KHDRBS2: variants seen among roughly 807,000 people sequenced by gnomAD.
The protein encoded by KHDRBS2 is KH RNA binding domain containing, signal transduction associated 2.
In KHDRBS2, 26 loss-of-function variants were observed where a neutral mutation model predicts 44.3. The ratio of observed to expected loss-of-function variants is 0.59; its 90% CI spans 0.43 to 0.81. KHDRBS2 has a LOEUF of 0.81. Ranked by LOEUF, KHDRBS2 falls within the 40% of genes least tolerant of loss-of-function variation. The probability of loss-of-function intolerance (pLI) is 0.00; values close to 1 mark genes in which losing one functional copy is unlikely to be tolerated. For synonymous variants in KHDRBS2, 194 were observed against 151.1 expected (o/e 1.28, Z -2.08); for missense variants, 476 against 433.1 (o/e 1.10, Z -0.88).
chr6:61,991,087 A>G (rs1227943338), intron 3 of KHDRBS2, among the ~76,000 whole-genome samples: 1 of 152,188 alleles, frequency 6.6e-6, no homozygotes, highest in Non-Finnish European at 1.5e-5. Context: ...TAATAAGGTG[A>G]TGTGTCATCA....
intron 7 of KHDRBS2, among the ~76,000 whole-genome samples, chr6:61,718,071 C>A (rs1007824209): frequency 6.6e-6 from 1 of 151,944 alleles, no homozygotes; most frequent in Non-Finnish European, 1.5e-5. Context: ...GAAAAAAATA[C>A]CTGCTTCATA....
chr6:61,981,392 G>A (rs767855019), intron 3 of KHDRBS2, among the ~76,000 whole-genome samples: 24 of 151,272 alleles, frequency 1.6e-4, no homozygotes, highest in East Asian at 1.9e-4. Context: ...AATTTCCTAC[G>A]CTTTATGTTA....
At chr6:62,005,902 A>G (rs1172046241) in intron 3 of KHDRBS2, among the ~76,000 whole-genome samples, 4 of 152,046 alleles carry the variant, frequency 2.6e-5, no homozygotes, top group Non-Finnish European at 2.9e-5. Context: ...ACACAGTTTA[A>G]GCGATTACTA....
chr6:62,065,737 A>C lies in KHDRBS2; in HGVS notation c.220-17743T>G, dbSNP rs572122948. Among the ~76,000 whole-genome samples the C allele has an allele frequency of 1.9e-3, 292 of 151,238 alleles. 2 individuals carry two copies. The highest frequency in any genetic ancestry group is 6.7e-3 in the African/African-American group (275 of 41,184). The stretch of plus-strand genomic sequence containing the variant: ...AGCATGGCACATGTATACATATGTA[A>C]CTAACCTGCACAATGTGCACATGTA... On this transcript the variant is annotated intron_variant, in intron 2 of 8. Transcript: ENST00000281156.
chr6:61,950,644 A>G (rs1764552282), intron 4 of KHDRBS2, among the ~76,000 whole-genome samples: 1 of 151,970 alleles, frequency 6.6e-6, no homozygotes, highest in African/African-American at 2.4e-5. Flanking sequence ...GAGTTGGATT[A>G]TTTGTCTTTA....
the KHDRBS2 span, among the ~76,000 whole-genome samples, chr6:61,568,901 A>T: frequency 6.6e-6 from 1 of 152,220 alleles, no homozygotes. Flanking sequence ...TTGACTGAGC[A>T]TGAATTTTCT....
intron 3 of KHDRBS2, among the ~76,000 whole-genome samples, chr6:62,036,153 C>G (rs1219979247): frequency 6.6e-6 from 1 of 151,734 alleles, no homozygotes; most frequent in Non-Finnish European, 1.5e-5. Context: ...AGAGAGCTGT[C>G]AAATCAAAGT....
rs377424414 is a variant in KHDRBS2 at position 61,752,846 on chromosome 6, G to T, written c.811-20082C>A. On this transcript the variant is annotated intron_variant, in intron 6 of 8. Coordinates refer to ENST00000281156, the MANE Select transcript of KHDRBS2 (RefSeq NM_152688.4). ...TGAAGCGAATTATTTGAGGTGAGGGGTCGGTATGTAAGTTGTAATTAATGT... is the reference window on the plus strand; with the variant it reads ...TGAAGCGAATTATTTGAGGTGAGGGTTCGGTATGTAAGTTGTAATTAATGT... 3.3e-5 allele frequency among the ~76,000 whole-genome samples: 5 copies of T among 152,076 alleles called. No individual in the cohort carries two copies. The East Asian group carries it at 7.8e-4, about 24-fold the overall frequency.
At position 62,034,126 on chromosome 6, in the gene KHDRBS2, C is replaced by T. The variant is rs571029410; in HGVS notation, c.336+13752G>A. On this transcript the variant is annotated intron_variant, in intron 3 of 8. Coordinates refer to ENST00000281156, the MANE Select transcript of KHDRBS2 (RefSeq NM_152688.4). ...CCAACAATGAACCAGGAAGAAATCC[C>T]AAACCTAAAAAGACCAACAACAAGT... is the stretch of plus-strand genomic sequence containing the variant. Among the ~76,000 whole-genome samples, 4 of 151,642 alleles carry T rather than the reference C, an allele frequency of 2.6e-5. No individual in the cohort carries two copies. In the South Asian group the frequency reaches 8.3e-4, roughly 32 times the overall value.
chr6:61,800,100 G>C (rs965313562), intron 6 of KHDRBS2, among the ~76,000 whole-genome samples: 1 of 152,016 alleles, frequency 6.6e-6, no homozygotes, highest in Non-Finnish European at 1.5e-5. Flanking sequence ...ATTCTGAATT[G>C]TAATACCACC....
chr6:61,935,630 A>G (rs1156655341), intron 4 of KHDRBS2, among the ~76,000 whole-genome samples: 1 of 152,178 alleles, frequency 6.6e-6, no homozygotes, highest in East Asian at 1.9e-4. Context: ...CCCCTGAGTG[A>G]CATTGCTTTG....
intron 3 of KHDRBS2, among the ~76,000 whole-genome samples, chr6:62,047,365 T>C (rs1017071057): frequency 6.6e-6 from 1 of 151,724 alleles, no homozygotes. Flanking sequence ...CTTTTGGGGG[T>C]CAGGTGAGTT....
chr6:61,568,385 G>C, the KHDRBS2 span, among the ~76,000 whole-genome samples: 1 of 152,120 alleles, frequency 6.6e-6, no homozygotes, highest in Non-Finnish European at 1.5e-5. Context: ...AATGACACTG[G>C]TGAGAGGGTG....
intron 3 of KHDRBS2, among the ~76,000 whole-genome samples, chr6:62,040,007 C>T (rs372978577): frequency 5.3e-5 from 8 of 152,130 alleles, no homozygotes; most frequent in East Asian, 3.9e-4. Context: ...TAACCTAATG[C>T]TTTTTAAACT....
At chr6:61,644,814 C>A in the KHDRBS2 span, among the ~76,000 whole-genome samples, 3 of 152,050 alleles carry the variant, frequency 2.0e-5, no homozygotes, top group Non-Finnish European at 4.4e-5. Context: ...ATAACAGGTG[C>A]TGGCAAGGTT....
At chr6:61,639,101 A>T in the KHDRBS2 span, among the ~76,000 whole-genome samples, 1 of 152,120 alleles carries the variant, frequency 6.6e-6, no homozygotes, top group Non-Finnish European at 1.5e-5. Flanking sequence ...ATACATAAAC[A>T]GTTTTTTAAG....
intron 4 of KHDRBS2, among the ~76,000 whole-genome samples, chr6:61,924,469 C>A (rs1042913487): frequency 3.3e-5 from 5 of 151,736 alleles, no homozygotes; most frequent in African/African-American, 1.2e-4. Flanking sequence ...TACAATAAGT[C>A]AAATTAAAAA....
At chr6:61,852,398 T>C (rs555900425) in intron 6 of KHDRBS2, among the ~76,000 whole-genome samples, 1 of 151,798 alleles carries the variant, frequency 6.6e-6, no homozygotes, top group African/African-American at 2.4e-5. Flanking sequence ...ACCCCATCTC[T>C]ACTAAAAATA....
chr6:61,824,266 T>C (rs879241402), intron 6 of KHDRBS2, among the ~76,000 whole-genome samples: 1 of 152,068 alleles, frequency 6.6e-6, no homozygotes. Flanking sequence ...GAATGGATCA[T>C]GAAGGTGTTT....
Sources: allele counts gnomAD v4.1 joint callset (sites outside exome capture counted in the v4.1 genomes callset), GRCh38; gene constraint gnomAD v4.1.1; transcripts MANE v1.5; gene names NCBI Gene and HGNC (gene_info 2026-07-23, HGNC 2026-07-21).